MCM8: variants seen among roughly 807,000 people sequenced by gnomAD.
MCM8 encodes the protein DNA helicase MCM8.
MCM8 carries 85 observed loss-of-function variants against 98.9 expected under a neutral mutation model. The ratio of observed to expected loss-of-function variants is 0.86; its 90% CI spans 0.72 to 1.03. MCM8 has a LOEUF of 1.03. Among genes scored for constraint, MCM8 ranks in the 50% least tolerant of loss-of-function variants. MCM8 has a pLI of 0.00. For missense variants in MCM8, 951 were observed against 997.8 expected (o/e 0.95, Z 0.63); for synonymous variants, 352 against 338.6 (o/e 1.04, Z -0.44).
chr20:5,966,701 G>A lies in MCM8; in HGVS notation c.876-735G>A, dbSNP rs377447145. Among the ~76,000 whole-genome samples the A allele has an allele frequency of 5.3e-4, 80 of 152,208 alleles. No homozygotes were observed. The East Asian group carries it at 0.01, about 20-fold the overall frequency. On this transcript the variant is annotated intron_variant, in intron 8 of 18. Coordinates refer to ENST00000610722, the MANE Select transcript of MCM8 (RefSeq NM_032485.6). ...TTTACCTCTAAATACAAAGATAGGGGTTTGGGCTATCAGATTTTGCTTTAT... is the reference window on the plus strand; with the variant it reads ...TTTACCTCTAAATACAAAGATAGGGATTTGGGCTATCAGATTTTGCTTTAT...
chr20:5,957,063 A>AC, intron 5 of MCM8, 63 bp from the exon 6 acceptor site: 1 of 996,850 alleles, frequency 1.0e-6, no homozygotes, highest in Non-Finnish European at 1.5e-6. Context: ...CTATAAAAAT[A>AC]GAGTTCTGTA....
At chr20:5,982,170 A>C (rs1422768941) in intron 13 of MCM8, among the ~76,000 whole-genome samples, 1 of 152,172 alleles carries the variant, frequency 6.6e-6, no homozygotes, top group African/African-American at 2.4e-5. Context: ...GGGACTCTCT[A>C]ACATTAGTTT....
chr20:5,962,357 T>G (rs1600254231), intron 7 of MCM8, among the ~76,000 whole-genome samples: 1 of 46,310 alleles, frequency 2.2e-5, no homozygotes, highest in Non-Finnish European at 3.5e-5. Flanking sequence ...CATTTCTTTT[T>G]TTTTTTTTTT....
intron 13 of MCM8, among the ~76,000 whole-genome samples, chr20:5,980,835 G>A (rs73087168): frequency 0.068 from 9,928 of 146,982 alleles, 677 homozygotes; most frequent in African/African-American, 0.18. Flanking sequence ...TGGTGCCACT[G>A]TACTCCAGCC....
At chr20:5,980,637 C>T (rs757329167) in intron 13 of MCM8, among the ~76,000 whole-genome samples, 1 of 151,852 alleles carries the variant, frequency 6.6e-6, no homozygotes, top group Non-Finnish European at 1.5e-5. Flanking sequence ...TTTGGGAGGC[C>T]GAGGCAGGCA....
At position 5,984,673 on chromosome 20, in the gene MCM8, T is replaced by A; in HGVS notation, c.1734-108T>A. 3.5e-6 allele frequency: 3 copies of A among 858,902 alleles called. No homozygotes were observed. In the South Asian group the frequency reaches 5.2e-5, roughly 15 times the overall value. 53.2% of individuals were successfully genotyped at this position (858,902 alleles called of 1,614,324 possible). ...CTTATTTCTTTAACCTAAATCTTGG[T>A]TTTTCAAGTTCTGCGTGGAACTTGA... On this transcript the variant is annotated intron_variant, in intron 14 of 18. Transcript: ENST00000610722.
intron 13 of MCM8, among the ~76,000 whole-genome samples, chr20:5,981,840 A>C (rs1232829121): frequency 2.0e-5 from 3 of 152,254 alleles, no homozygotes; most frequent in Non-Finnish European, 2.9e-5. Flanking sequence ...AGCTCAAAAC[A>C]AAAAGATAAG....
chr20:5,994,483 AC>A lies in MCM8; in HGVS notation c.*93del. The stretch of plus-strand genomic sequence containing the variant: ...CGTGCACGCACAGACAGACAGACAC[AC>A]ACACACACACACACACACACACACA... On this transcript the variant is annotated 3_prime_UTR_variant, in exon 19 of 19. Coordinates refer to ENST00000610722, the MANE Select transcript of MCM8 (RefSeq NM_032485.6). 1 of 428,114 alleles carries A rather than the reference AC, an allele frequency of 2.3e-6. No homozygotes were observed. The allele number at this position is 428,114 out of a possible 1,614,324, so 26.5% of individuals were successfully genotyped here. A position where few individuals can be genotyped will look rare whatever the true frequency, so the allele number is the denominator to read the frequency against.
intron 14 of MCM8, among the ~76,000 whole-genome samples, chr20:5,984,290 A>G (rs535054102): frequency 3.9e-5 from 6 of 152,316 alleles, no homozygotes; most frequent in South Asian, 2.1e-4. Flanking sequence ...GAAATACACA[A>G]TGTGTACTTG....
At position 5,986,074 on chromosome 20, in the gene MCM8, G is replaced by C. The variant is rs757375539; in HGVS notation, c.2106G>C (p.Arg702Ser). The change falls in exon 16 of 19, where the codon AGG (arginine) becomes AGC (serine). Residue 702 changes from arginine (R) to serine (S), a missense_variant. Coordinates refer to ENST00000610722, the MANE Select transcript of MCM8 (RefSeq NM_032485.6). ...TTGAGCTCCGGAAACAGAGCCAGAG[G>C]TTAAATAGCTCACCAATCACTACCA... ...FYLELRKQSQ[R>S]LNSSPITTRQ... is the part of the protein sequence containing the mutation. 1 of 1,614,076 alleles carries C rather than the reference G, an allele frequency of 6.2e-7. No individual in the cohort carries two copies. The highest frequency in any genetic ancestry group is 8.5e-7 in the Non-Finnish European group (1 of 1,180,052).
At chr20:5,965,300 C>A (rs911348303) in intron 8 of MCM8, 1 of 152,188 alleles carries the variant, frequency 6.6e-6, no homozygotes, top group Non-Finnish European at 1.5e-5. Context: ...GACAGTTTAT[C>A]CCCCCTTAGC....
At chr20:5,966,390 C>A (rs564596200) in intron 8 of MCM8, among the ~76,000 whole-genome samples, 2 of 152,024 alleles carry the variant, frequency 1.3e-5, no homozygotes, top group Admixed American at 1.3e-4. Flanking sequence ...TTCTAGATTT[C>A]TTTGGCTTTT....
chr20:5,987,554 A>G (rs1908818035), intron 17 of MCM8, among the ~76,000 whole-genome samples, 196 bp downstream of exon 17: 1 of 152,190 alleles, frequency 6.6e-6, no homozygotes, highest in Non-Finnish European at 1.5e-5. Context: ...TTGAATGAGT[A>G]ATACATTTAC....
At position 5,957,173 on chromosome 20, in the gene MCM8, G is replaced by A; in HGVS notation, c.534G>A (p.Gln178=). ...GGCATGCAGCTGAGTTACAAGCCCA[G>A]GAAGGATTGTCTAATGATGGAGAAA... ...LERHAAELQA[Q]EGLSNDGETM... is the part of the protein sequence containing the mutation. Residue 178 remains glutamine, a synonymous_variant, in exon 6 of 19, where the codon CAG becomes CAA. Transcript: ENST00000610722. 1 of 1,613,734 alleles carries A rather than the reference G, an allele frequency of 6.2e-7. No individual in the cohort carries two copies. The highest frequency in any genetic ancestry group is 8.5e-7 in the Non-Finnish European group (1 of 1,179,816).
chr20:5,975,515 G>A (rs1308612039), intron 12 of MCM8, among the ~76,000 whole-genome samples: 3 of 54,826 alleles, frequency 5.5e-5, no homozygotes, highest in Non-Finnish European at 1.2e-4. Context: ...TTTTTTTTTT[G>A]AGTCGGAGTC....
chr20:5,972,919 C>G, intron 11 of MCM8, 137 bp from the exon 12 acceptor site: 9 of 1,341,594 alleles, frequency 6.7e-6, no homozygotes, highest in Non-Finnish European at 8.9e-6. Context: ...TTTAGACTTC[C>G]TTTTCTTAGA....
chr20:5,980,760 T>C (rs1021358064), intron 13 of MCM8, among the ~76,000 whole-genome samples: 5 of 151,994 alleles, frequency 3.3e-5, no homozygotes, highest in Middle Eastern at 3.4e-3. Context: ...TAATCCCTGC[T>C]GCTCAGGTGG....
chr20:5,967,042 C>A (rs2089289954), intron 8 of MCM8, among the ~76,000 whole-genome samples: 1 of 152,200 alleles, frequency 6.6e-6, no homozygotes, highest in Non-Finnish European at 1.5e-5. Flanking sequence ...CTCTGGGGCT[C>A]TGCTAAGAAC....
At chr20:5,979,441 T>C (rs2089585685) in intron 13 of MCM8, among the ~76,000 whole-genome samples, 1 of 152,358 alleles carries the variant, frequency 6.6e-6, no homozygotes, top group Middle Eastern at 3.4e-3. Context: ...TACTTCTTAT[T>C]GTCTACACAG....
Sources: allele counts gnomAD v4.1 joint callset (sites outside exome capture counted in the v4.1 genomes callset), GRCh38; gene constraint gnomAD v4.1.1; transcripts MANE v1.5; gene names NCBI Gene and HGNC (gene_info 2026-07-23, HGNC 2026-07-21).